Variants in RAD50 observed in about 807,000 individuals in gnomAD.
RAD50 encodes the protein DNA repair protein RAD50.
RAD50 carries 132 observed loss-of-function variants against 168.8 expected under a neutral mutation model. The observed-to-expected ratio is 0.78, with a 90% CI of 0.68 to 0.90. The LOEUF (loss-of-function observed/expected upper bound fraction) is 0.90. Ranked by LOEUF, RAD50 falls within the 40% of genes least tolerant of loss-of-function variation. RAD50 has a pLI of 0.00. For synonymous variants in RAD50, 525 were observed against 497.4 expected, an observed-to-expected ratio of 1.06 and a Z score of -0.74; for missense variants, 1,347 against 1,534.4, an observed-to-expected ratio of 0.88 and a Z score of 2.04.
At position 132,624,924 on chromosome 5, in the gene RAD50, G is replaced by C. The variant is rs554283014; in HGVS notation, c.3389+6630G>C. Among the ~76,000 whole-genome samples the C allele has an allele frequency of 3.4e-4, 50 of 148,576 alleles. No individual in the cohort carries two copies. In the South Asian group the frequency reaches 0.011, roughly 31 times the overall value. On this transcript the variant is annotated intron_variant, in intron 21 of 24. Transcript: ENST00000378823. ...AAAACTTCTATTTGGAATAAGATAA[G>C]TTGGTTGTGATGGAAAAATAAAAAT...
chr5:132,591,502 A>G, intron 10 of RAD50, 96 bp downstream of exon 10: 2 of 1,236,626 alleles, frequency 1.6e-6, no homozygotes, highest in Non-Finnish European at 1.2e-6. Flanking sequence ...TTAAGTTGGT[A>G]TTGACTATAT....
chr5:132,568,654 A>G (rs759951605), intron 2 of RAD50, among the ~76,000 whole-genome samples: 4 of 152,216 alleles, frequency 2.6e-5, no homozygotes, highest in South Asian at 2.1e-4. Flanking sequence ...AGGAAAAGCA[A>G]TCTAAACCTG....
intron 21 of RAD50, among the ~76,000 whole-genome samples, chr5:132,624,677 T>C (rs1419300745): frequency 6.6e-6 from 1 of 151,972 alleles, no homozygotes; most frequent in East Asian, 1.9e-4. Context: ...AGTGGGTGGA[T>C]TGCTTAAGTC....
chr5:132,562,148 G>A (rs1449617914), intron 2 of RAD50, among the ~76,000 whole-genome samples: 1 of 152,188 alleles, frequency 6.6e-6, no homozygotes, highest in African/African-American at 2.4e-5. Context: ...AGGGAAAATG[G>A]TAGAAAATAA....
In RAD50 at chr5:132,587,651, G is replaced by A; in HGVS notation, c.846G>A (p.Met282Ile). The part of the protein sequence containing the change: ...IKALDSRKKQ[M>I]EKDNSELEEK... ...CCTTGGATAGCCGAAAGAAGCAAAT[G>A]GAGAAAGATAATAGTGAACTGGAAG... Residue 282 changes from methionine to isoleucine, a missense_variant, in exon 6 of 25, where the codon ATG becomes ATA. By Grantham distance (10) the Met-to-Ile change is conservative. Around this residue, in one of 3 missense-constraint regions of RAD50, gnomAD observed 703 missense variants for 767.7 expected, o/e 0.92. Coordinates refer to ENST00000378823, the MANE Select transcript of RAD50 (RefSeq NM_005732.4). The A allele has an allele frequency of 1.2e-6, 2 of 1,613,836 alleles. No homozygotes were observed. Among genetic ancestry groups the A allele is most frequent in the South Asian group, 2.2e-5 (2 of 91,074 alleles).
chr5:132,607,006 C>T (rs1167929774), intron 16 of RAD50, among the ~76,000 whole-genome samples: 2 of 152,186 alleles, frequency 1.3e-5, no homozygotes, highest in Non-Finnish European at 2.9e-5. Flanking sequence ...GACCCACAGC[C>T]AATATCATAC....
intron 2 of RAD50, among the ~76,000 whole-genome samples, chr5:132,568,560 A>T (rs1002072012): frequency 1.3e-5 from 2 of 152,208 alleles, no homozygotes; most frequent in African/African-American, 4.8e-5. Context: ...ATTGTTCAAA[A>T]CTAAATATAA....
intron 21 of RAD50, among the ~76,000 whole-genome samples, chr5:132,624,519 A>G (rs1751337585): frequency 6.6e-6 from 1 of 152,218 alleles, no homozygotes; most frequent in Non-Finnish European, 1.5e-5. Context: ...TTCATTGAGC[A>G]TTAAGGAATA....
In RAD50 at chr5:132,638,165, T is replaced by C. The variant is rs876659182; in HGVS notation, c.3560T>C (p.Val1187Ala). 6.2e-7 allele frequency: 1 copy of C among 1,614,126 alleles called. No homozygotes were observed. The change falls in exon 23 of 25, where the codon GTG becomes GCG. Residue 1187 changes from valine to alanine, a missense_variant. By Grantham distance (64) the Val-to-Ala change is moderately conservative. This residue lies in a region of RAD50 where 635 missense variants were observed against 739.2 expected (regional missense o/e 0.86). Coordinates refer to ENST00000378823, the MANE Select transcript of RAD50 (RefSeq NM_005732.4). ...DKRRNYNYRV[V>A]MLKGDTALDM... is the part of the protein sequence containing the mutation. ...AGGCGGAATTATAACTACCGAGTGGTGATGCTGAAGGGAGACACAGCCTTG... is the reference window on the plus strand; with the variant it reads ...AGGCGGAATTATAACTACCGAGTGGCGATGCTGAAGGGAGACACAGCCTTG...
intron 7 of RAD50, 42 bp from the exon 8 acceptor site, chr5:132,588,645 G>A (rs372308210): frequency 1.9e-5 from 29 of 1,553,164 alleles, no homozygotes; most frequent in Non-Finnish European, 2.6e-5. Context: ...AACTTTTTAA[G>A]CACCAGTTGA....
chr5:132,571,927 T>C (rs1750313971), intron 2 of RAD50, among the ~76,000 whole-genome samples: 1 of 152,174 alleles, frequency 6.6e-6, no homozygotes, highest in South Asian at 2.1e-4. Context: ...TTTTCAAAAT[T>C]ATCAGTCATG....
intron 9 of RAD50, among the ~76,000 whole-genome samples, chr5:132,590,760 G>A (rs571694293): frequency 3.3e-5 from 5 of 152,208 alleles, no homozygotes; most frequent in East Asian, 1.9e-4. Flanking sequence ...ACTCACCATT[G>A]TAGCATACAT....
In RAD50 at chr5:132,587,946, A is replaced by G. The variant is rs864622750; in HGVS notation, c.908A>G (p.Gln303Arg). The change falls in exon 7 of 25, where the codon CAA (glutamine) becomes CGA (arginine). Residue 303 changes from glutamine to arginine, a missense_variant. Around this residue, in one of 3 missense-constraint regions of RAD50, gnomAD observed 703 missense variants for 767.7 expected, o/e 0.92. Transcript: ENST00000378823. Reference protein sequence around the residue: ...MEKVFQGTDEQLNDLYHNHQR... With the variant: ...MEKVFQGTDERLNDLYHNHQR... ...CAGGTTTTTCAAGGGACTGATGAGC[A>G]ACTAAATGACTTATATCACAATCAC... 1 of 1,613,244 alleles carries G rather than the reference A, an allele frequency of 6.2e-7. No homozygotes were observed. The highest frequency in any genetic ancestry group is 8.5e-7 in the Non-Finnish European group (1 of 1,179,510).
rs1196334344 is a variant in RAD50 at position 132,609,221 on chromosome 5, CTT to C, written c.2922+13_2922+14del. ...ACGACTATAAGAAGGTAATTTAAAA[CTT>C]AAAATTATTTATTTGATTGTATTTT... is the stretch of plus-strand genomic sequence containing the variant. On this transcript the variant is annotated intron_variant, in intron 18 of 24. Coordinates refer to ENST00000378823, the MANE Select transcript of RAD50 (RefSeq NM_005732.4). 1 of 1,607,992 alleles carries C rather than the reference CTT, an allele frequency of 6.2e-7. No homozygotes were observed. Among genetic ancestry groups the C allele is most frequent in the Non-Finnish European group, 8.5e-7 (1 of 1,177,002 alleles).
intron 13 of RAD50, among the ~76,000 whole-genome samples, chr5:132,601,154 G>A (rs1251684680): frequency 1.3e-5 from 2 of 151,956 alleles, no homozygotes; most frequent in African/African-American, 2.4e-5. Flanking sequence ...CCTTCACCAC[G>A]CCCAACTGAT....
At chr5:132,613,814 C>G (rs945183365) in intron 19 of RAD50, among the ~76,000 whole-genome samples, 1 of 151,984 alleles carries the variant, frequency 6.6e-6, no homozygotes, top group Non-Finnish European at 1.5e-5. Context: ...CCAGGATGAT[C>G]TCGAACTCCT....
intron 5 of RAD50, among the ~76,000 whole-genome samples, chr5:132,582,897 G>A (rs898823788): frequency 6.6e-6 from 1 of 152,102 alleles, no homozygotes; most frequent in African/African-American, 2.4e-5. Flanking sequence ...CCAAAACACA[G>A]ATGTCAAAGA....
Position 132,588,870 on chromosome 5 carries a change from A to G in RAD50, c.1235A>G (p.Asn412Ser), listed in dbSNP as rs1254198489. 2 of 1,611,214 alleles carry G rather than the reference A, an allele frequency of 1.2e-6. No homozygotes were observed. The highest frequency in any genetic ancestry group is 2.2e-5 in the East Asian group (1 of 44,854). ...ERQEGEAKTA[N>S]QLMNDFAEKE... ...CAAGAAGGGGAAGCAAAAACTGCCA[A>G]CCAACTGATGGCAAGTATTTTGAAA... is the stretch of plus-strand genomic sequence containing the variant. Residue 412 changes from asparagine (N) to serine (S), a missense_variant, in exon 8 of 25, where the codon AAC becomes AGC. Around this residue, in one of 3 missense-constraint regions of RAD50, gnomAD observed 703 missense variants for 767.7 expected, o/e 0.92. Transcript: ENST00000378823.
intron 21 of RAD50, among the ~76,000 whole-genome samples, chr5:132,635,572 A>C (rs541758256): frequency 6.7e-4 from 102 of 152,304 alleles, no homozygotes; most frequent in Admixed American, 2.8e-3. Flanking sequence ...ATGGGACAGG[A>C]TGCACCACCT....
Sources: allele counts gnomAD v4.1 joint callset (sites outside exome capture counted in the v4.1 genomes callset), GRCh38; gene constraint gnomAD v4.1.1; regional missense constraint gnomAD v4.1.1; transcripts MANE v1.5; gene names NCBI Gene and HGNC (gene_info 2026-07-23, HGNC 2026-07-21).